The following CHD6 variants were observed in gnomAD, a reference collection of about 807,000 sequenced individuals.
CHD6 encodes the protein chromodomain helicase DNA binding protein 6, also known as ATP-dependent chromatin remodeler CHD6.
A neutral mutation model predicts 276.9 loss-of-function variants in CHD6; 50 were observed. That is an observed-to-expected ratio of 0.18 (90% CI 0.14 to 0.23). The LOEUF (loss-of-function observed/expected upper bound fraction) is 0.23, where lower values mean the gene tolerates loss of function less well. Ranked by LOEUF, CHD6 falls within the 10% of genes least tolerant of loss-of-function variation. CHD6 has a pLI of 1.00. For synonymous variants in CHD6, 1,173 were observed against 1,229.3 expected, an observed-to-expected ratio of 0.95 and a Z score of 0.96; for missense variants, 2,564 against 3,365.8, an observed-to-expected ratio of 0.76 and a Z score of 5.89.
intron 1 of CHD6, among the ~76,000 whole-genome samples, chr20:41,580,657 A>AAAAAAAC (rs1377421511): frequency 6.6e-6 from 1 of 151,476 alleles, no homozygotes; most frequent in East Asian, 1.9e-4. Flanking sequence ...AAAAAAAAAA[A>AAAAAAAC]AAAAAGGAAA....
In CHD6 at chr20:41,404,005, G is replaced by T; in HGVS notation, c.*588C>A. 2 of 1,051,690 alleles carry T rather than the reference G, an allele frequency of 1.9e-6. No homozygotes were observed. Among genetic ancestry groups the T allele is most frequent in the Non-Finnish European group, 2.3e-6 (2 of 870,672 alleles). 65.1% of individuals were successfully genotyped at this position (1,051,690 alleles called of 1,614,324 possible). A position where few individuals can be genotyped will look rare whatever the true frequency, so the allele number is the denominator to read the frequency against. ...GGGAAATTATATTACTACCGGTAAGGTTTTTGTTTTTTATAAAGAAATGAA... is the reference window on the plus strand; with the variant it reads ...GGGAAATTATATTACTACCGGTAAGTTTTTTGTTTTTTATAAAGAAATGAA... On this transcript the variant is annotated 3_prime_UTR_variant, in exon 37 of 37. Coordinates refer to ENST00000373233, the MANE Select transcript of CHD6 (RefSeq NM_032221.5).
At position 41,453,229 on chromosome 20, in the gene CHD6, C is replaced by G. The variant is rs142754398; in HGVS notation, c.3121-287G>C. On this transcript the variant is annotated intron_variant, in intron 20 of 36. Transcript: ENST00000373233. Reference sequence around the variant, plus strand: ...CGGGGTGTGGGCAGGCAAGGCCCCCCCCCAGTGACCAAAGTGGTGTCGGCT... The same window carrying G: ...CGGGGTGTGGGCAGGCAAGGCCCCCGCCCAGTGACCAAAGTGGTGTCGGCT... Among the ~76,000 whole-genome samples the G allele has an allele frequency of 4.0e-3, 603 of 152,274 alleles. 3 individuals carry two copies. The highest frequency in any genetic ancestry group is 6.0e-3 in the Non-Finnish European group (409 of 68,020).
chr20:41,599,007 G>C (rs779860526), intron 1 of CHD6, among the ~76,000 whole-genome samples: 4 of 152,196 alleles, frequency 2.6e-5, no homozygotes, highest in Non-Finnish European at 2.9e-5. Flanking sequence ...TCCACGAGGA[G>C]TGTTAAATGA....
chr20:41,510,413 T>G (rs1013829584), intron 5 of CHD6, among the ~76,000 whole-genome samples: 1 of 152,226 alleles, frequency 6.6e-6, no homozygotes, highest in Non-Finnish European at 1.5e-5. Flanking sequence ...ACTGGTTGTG[T>G]AGCCTGCCCT....
At chr20:41,574,039 TCTAA>T (rs2045446501) in intron 1 of CHD6, among the ~76,000 whole-genome samples, 1 of 152,028 alleles carries the variant, frequency 6.6e-6, no homozygotes, top group South Asian at 2.1e-4. Flanking sequence ...AAATAGTGGA[TCTAA>T]CTTTCTCCTA....
chr20:41,547,496 G>A, intron 2 of CHD6: 1 of 394,712 alleles, frequency 2.5e-6, no homozygotes, highest in Non-Finnish European at 4.9e-6. Flanking sequence ...TCGATGCCAT[G>A]TCTGCACTGG....
intron 25 of CHD6, among the ~76,000 whole-genome samples, chr20:41,440,766 AG>A (rs2047877292): frequency 6.6e-6 from 1 of 152,252 alleles, no homozygotes; most frequent in African/African-American, 2.4e-5. Context: ...TGTTTGATAA[AG>A]TCCATGTGTG....
At chr20:41,455,512 G>C (rs914025894) in intron 19 of CHD6, among the ~76,000 whole-genome samples, 1 of 152,204 alleles carries the variant, frequency 6.6e-6, no homozygotes, top group Non-Finnish European at 1.5e-5. Flanking sequence ...GAAGGTTTCA[G>C]AGCAGTCCTT....
rs373733112 is a variant in CHD6 at position 41,580,645 on chromosome 20, C to CAAAA, written c.-23-29289_-23-29286dup. Among the ~76,000 whole-genome samples the CAAAA allele has an allele frequency of 1.6e-3, 110 of 69,278 alleles. 4 individuals carry two copies. The highest frequency in any genetic ancestry group is 5.8e-3 in the African/African-American group (94 of 16,266). The allele number at this position is 69,278 out of a possible 152,430, so 45.4% of individuals were successfully genotyped here. Reference sequence around the variant, plus strand: ...TGGGTGACACAGTGAAACCCAGTCTCAAAAAAAAAAAAAAAAAGGAAAAGA... The same window carrying CAAAA: ...TGGGTGACACAGTGAAACCCAGTCTCAAAAAAAAAAAAAAAAAAAAAGGAAAAGA... On this transcript the variant is annotated intron_variant, in intron 1 of 36. Transcript: ENST00000373233.
rs745395297 is a variant in CHD6 at position 41,412,229 on chromosome 20, C to A, written c.7166G>T (p.Arg2389Leu). 2.5e-6 allele frequency: 4 copies of A among 1,614,060 alleles called. No individual in the cohort carries two copies. The highest frequency in any genetic ancestry group is 3.3e-4 in the Middle Eastern group (2 of 6,084). ...ATCTAATTTTCCAGGTTCTTTACAG[C>A]GTGGCCTCCTCTGCTTTGGTTTGTC... ...FSDKPKQRRPRCKEPGKLDVS... is the reference protein window; with the variant it reads ...FSDKPKQRRPLCKEPGKLDVS... The change falls in exon 36 of 37, where the codon CGC (arginine) becomes CTC (leucine). Residue 2389 changes from arginine (R) to leucine (L), a missense_variant. Arg to Leu is a moderately radical substitution (Grantham distance 102). This residue lies in a region of CHD6 where 1,024 missense variants were observed against 1,047.9 expected (regional missense o/e 0.98). Coordinates refer to ENST00000373233, the MANE Select transcript of CHD6 (RefSeq NM_032221.5).
At chr20:41,487,859 T>C (rs1312695325) in intron 13 of CHD6, 51 bp from the exon 14 acceptor site, 1 of 1,567,968 alleles carries the variant, frequency 6.4e-7, no homozygotes, top group Non-Finnish European at 8.6e-7. Context: ...ATCAAAATAG[T>C]GCATTTTCGT....
At chr20:41,604,222 G>C (rs953075660) in intron 1 of CHD6, among the ~76,000 whole-genome samples, 1 of 152,138 alleles carries the variant, frequency 6.6e-6, no homozygotes, top group African/African-American at 2.4e-5. Flanking sequence ...TGTATGGCTG[G>C]AAATAAAGGT....
intron 16 of CHD6, among the ~76,000 whole-genome samples, chr20:41,480,468 T>C (rs960649609): frequency 4.1e-4 from 63 of 152,194 alleles, no homozygotes; most frequent in Non-Finnish European, 3.7e-4. Context: ...AAACAGCACA[T>C]GACATAACTC....
At chr20:41,445,898 G>A (rs1569085924) in intron 24 of CHD6, 130 bp from the exon 25 acceptor site, 1 of 598,160 alleles carries the variant, frequency 1.7e-6, no homozygotes. Flanking sequence ...GAAGGCTGTG[G>A]GTCATTGTTT....
Position 41,420,832 on chromosome 20 carries a change from C to A in CHD6, c.5803G>T (p.Ala1935Ser), listed in dbSNP as rs779679425. The A allele has an allele frequency of 6.2e-7, 1 of 1,614,226 alleles. No homozygotes were observed. Among genetic ancestry groups the A allele is most frequent in the South Asian group, 1.1e-5 (1 of 91,076 alleles). The change falls in exon 31 of 37, where the codon GCC (alanine) becomes TCC (serine). Residue 1935 changes from alanine (A) to serine (S), a missense_variant. Physicochemically the swap from Ala to Ser is moderately conservative, Grantham distance 99. This residue lies in a region of CHD6 where 1,024 missense variants were observed against 1,047.9 expected (regional missense o/e 0.98). Coordinates refer to ENST00000373233, the MANE Select transcript of CHD6 (RefSeq NM_032221.5). Reference protein sequence around the residue: ...GLQRAFPAPAACQCHCKHMER... With the variant: ...GLQRAFPAPASCQCHCKHMER... ...ATGTGTTTGCAGTGGCACTGACAGGCTGCTGGAGCGGGGAAAGCCCTCTGT... is the reference window on the plus strand; with the variant it reads ...ATGTGTTTGCAGTGGCACTGACAGGATGCTGGAGCGGGGAAAGCCCTCTGT...
At chr20:41,417,652 C>T (rs939201884) in intron 31 of CHD6, among the ~76,000 whole-genome samples, 1 of 152,132 alleles carries the variant, frequency 6.6e-6, no homozygotes, top group Non-Finnish European at 1.5e-5. Context: ...AAAGAGATGA[C>T]TAACCACAAA....
chr20:41,581,245 T>G (rs1013104337), intron 1 of CHD6, among the ~76,000 whole-genome samples: 17 of 152,280 alleles, frequency 1.1e-4, no homozygotes, highest in African/African-American at 4.1e-4. Flanking sequence ...ATGAGGACAT[T>G]GAAGCACAAG....
intron 1 of CHD6, among the ~76,000 whole-genome samples, chr20:41,591,375 T>TACACACACACAC (rs1391046913): frequency 1.2e-3 from 149 of 121,074 alleles, no homozygotes; most frequent in Admixed American, 1.6e-3. Flanking sequence ...CATATATATA[T>TACACACACACAC]ATATACACAC....
intron 3 of CHD6, among the ~76,000 whole-genome samples, chr20:41,532,226 T>C (rs566771327): frequency 6.6e-6 from 1 of 152,326 alleles, no homozygotes; most frequent in East Asian, 1.9e-4. Context: ...CATTATGGTC[T>C]CCTCTGGTCT....
Sources: gnomAD v4.1 joint callset for allele counts (sites outside exome capture counted in the v4.1 genomes callset) on GRCh38, gnomAD v4.1.1 for gene constraint, gnomAD v4.1.1 regional missense constraint, MANE v1.5 for transcripts, NCBI Gene and HGNC (gene_info 2026-07-23, HGNC 2026-07-21) for gene names.